The following PLCB4 variants were observed in gnomAD, a reference collection of about 807,000 sequenced individuals.
PLCB4 encodes phospholipase C beta 4, also known as 1-phosphatidylinositol 4,5-bisphosphate phosphodiesterase beta-4.
PLCB4 carries 77 observed loss-of-function variants against 178.8 expected under a neutral mutation model. The observed-to-expected ratio is 0.43, with a 90% CI of 0.36 to 0.52. PLCB4 has a LOEUF of 0.52. Ranked by LOEUF, PLCB4 falls within the 20% of genes least tolerant of loss-of-function variation. The pLI is 0.00. For missense variants in PLCB4, 1,024 were observed against 1,453.4 expected (o/e 0.70, Z 4.80); for synonymous variants, 496 against 490.8 (o/e 1.01, Z -0.14).
At chr20:9,421,169 T>A (rs960738441) in intron 26 of PLCB4, 128 bp from the exon 27 acceptor site, 2 of 652,286 alleles carry the variant, frequency 3.1e-6, no homozygotes, top group African/African-American at 1.8e-5. Context: ...AATGAATACA[T>A]TATTGCCATA....
intron 2 of PLCB4, among the ~76,000 whole-genome samples, chr20:9,173,127 A>G (rs1178000970): frequency 6.6e-6 from 1 of 152,130 alleles, no homozygotes; most frequent in Non-Finnish European, 1.5e-5. Flanking sequence ...GGCCTTGCAA[A>G]GCTTTGGTGT....
At chr20:9,129,374 C>T (rs1020235228) in intron 2 of PLCB4, among the ~76,000 whole-genome samples, 8 of 152,126 alleles carry the variant, frequency 5.3e-5, no homozygotes, top group South Asian at 2.1e-4. Flanking sequence ...CACATTTCCC[C>T]GAGTTCCCCA....
At chr20:9,105,793 T>C (rs891521314) in intron 2 of PLCB4, among the ~76,000 whole-genome samples, 1 of 152,080 alleles carries the variant, frequency 6.6e-6, no homozygotes, top group Non-Finnish European at 1.5e-5. Flanking sequence ...ACACTGCTAA[T>C]ATAGAAATAA....
chr20:9,179,230 A>T (rs2093205615), intron 2 of PLCB4, among the ~76,000 whole-genome samples: 1 of 152,166 alleles, frequency 6.6e-6, no homozygotes, highest in Non-Finnish European at 1.5e-5. Context: ...AGGGTGGCAC[A>T]TAGAGGTTGG....
intron 3 of PLCB4, among the ~76,000 whole-genome samples, chr20:9,261,557 G>A (rs953052290): frequency 6.6e-6 from 1 of 152,114 alleles, no homozygotes; most frequent in Non-Finnish European, 1.5e-5. Context: ...TCATTTTAGA[G>A]AAATCAATTA....
chr20:9,146,582 G>A (rs2092602616), intron 2 of PLCB4, among the ~76,000 whole-genome samples: 1 of 152,164 alleles, frequency 6.6e-6, no homozygotes, highest in Admixed American at 6.5e-5. Context: ...AAGGGCACAA[G>A]GGGAACATTT....
At position 9,438,925 on chromosome 20, in the gene PLCB4, G is replaced by T. The variant is rs115325748; in HGVS notation, c.2764+1773G>T. Among the ~76,000 whole-genome samples, 198 of 152,266 alleles carry T rather than the reference G, an allele frequency of 1.3e-3. 1 individual carries two copies. Among genetic ancestry groups the T allele is most frequent in the African/African-American group, 4.2e-3 (174 of 41,556 alleles). ...AAAAACAAGGAAAATGCAAAAGAGA[G>T]TACATGGTAAAACAAGGCTATAAGG... On this transcript the variant is annotated intron_variant, in intron 30 of 39. Transcript: ENST00000378473.
At chr20:9,319,507 G>A (rs374475938) in intron 4 of PLCB4, among the ~76,000 whole-genome samples, 13 of 152,170 alleles carry the variant, frequency 8.5e-5, no homozygotes, top group African/African-American at 2.4e-4. Flanking sequence ...ATCTTATATC[G>A]TCTGTCTATA....
intron 4 of PLCB4, among the ~76,000 whole-genome samples, chr20:9,332,264 A>T (rs1311635657): frequency 6.6e-6 from 1 of 152,172 alleles, no homozygotes; most frequent in East Asian, 1.9e-4. Flanking sequence ...GCCTGGCCTC[A>T]ATCTGGTCAG....
chr20:9,378,538 G>A (rs2036868605), intron 12 of PLCB4, among the ~76,000 whole-genome samples: 1 of 152,114 alleles, frequency 6.6e-6, no homozygotes, highest in Non-Finnish European at 1.5e-5. Flanking sequence ...CCTAAACAAG[G>A]TGTAGCATGC....
chr20:9,400,571 C>T (rs1368689432), intron 19 of PLCB4, among the ~76,000 whole-genome samples: 5 of 152,146 alleles, frequency 3.3e-5, no homozygotes, highest in Admixed American at 6.5e-5. Flanking sequence ...TTTACAGTAA[C>T]GTTCCCTCAT....
chr20:9,294,175 T>C (rs2094608590), intron 3 of PLCB4, among the ~76,000 whole-genome samples: 1 of 152,176 alleles, frequency 6.6e-6, no homozygotes, highest in African/African-American at 2.4e-5. Flanking sequence ...AATATTAGCA[T>C]TCATAGCTTG....
intron 3 of PLCB4, among the ~76,000 whole-genome samples, chr20:9,304,455 T>C (rs2094741888): frequency 6.6e-6 from 1 of 151,778 alleles, no homozygotes; most frequent in Non-Finnish European, 1.5e-5. Flanking sequence ...GAAAAAAAAA[T>C]GTATTTAGAG....
rs573087202 is a variant in PLCB4 at position 9,199,987 on chromosome 20, A to T, written c.-78-17403A>T. ...ACTGGGAATATATTACATAAAAGTC[A>T]TCAAGGGCAGGAGAGAGAGAATGGT... On this transcript the variant is annotated intron_variant, in intron 2 of 39. Coordinates refer to ENST00000378473, the MANE Select transcript of PLCB4 (RefSeq NM_001377142.1). Among the ~76,000 whole-genome samples the T allele has an allele frequency of 6.2e-5, 9 of 144,816 alleles. No homozygotes were observed. In the Admixed American group the frequency reaches 6.4e-4, roughly 10 times the overall value.
intron 2 of PLCB4, among the ~76,000 whole-genome samples, chr20:9,136,295 T>C (rs2092381508): frequency 6.6e-6 from 1 of 151,930 alleles, no homozygotes; most frequent in South Asian, 2.1e-4. Flanking sequence ...GAAGCACCCG[T>C]AGGGGAGTGG....
At chr20:9,298,546 A>G (rs1280889950) in intron 3 of PLCB4, among the ~76,000 whole-genome samples, 1 of 152,106 alleles carries the variant, frequency 6.6e-6, no homozygotes, top group Admixed American at 6.6e-5. Flanking sequence ...AAATCCTGAT[A>G]GATTGAAACC....
chr20:9,384,651 A>G (rs1409359840), intron 14 of PLCB4, among the ~76,000 whole-genome samples: 2 of 152,202 alleles, frequency 1.3e-5, no homozygotes, highest in African/African-American at 4.8e-5. Context: ...AATTTAAAAT[A>G]TGCCTCCAAA....
At chr20:9,272,448 G>T (rs899236015) in intron 3 of PLCB4, among the ~76,000 whole-genome samples, 3 of 152,008 alleles carry the variant, frequency 2.0e-5, no homozygotes, top group Non-Finnish European at 2.9e-5. Flanking sequence ...TTTACATGCT[G>T]TCATAGTTAA....
At chr20:9,438,920 A>G (rs2041944902) in intron 30 of PLCB4, among the ~76,000 whole-genome samples, 1 of 152,214 alleles carries the variant, frequency 6.6e-6, no homozygotes, top group Non-Finnish European at 1.5e-5. Context: ...AAAATGCAAA[A>G]GAGAGTACAT....
Sources: allele counts gnomAD v4.1 joint callset (sites outside exome capture counted in the v4.1 genomes callset), GRCh38; gene constraint gnomAD v4.1.1; transcripts MANE v1.5; gene names NCBI Gene and HGNC (gene_info 2026-07-23, HGNC 2026-07-21).